NALF1: variants seen among roughly 807,000 people sequenced by gnomAD.
The protein encoded by NALF1 is family with sequence similarity 155 member A.
Under a neutral mutation model 48.4 loss-of-function variants are expected in NALF1, and 3 were observed. That is an observed-to-expected ratio of 0.06 (90% confidence interval 0.03 to 0.16). The LOEUF is 0.16. Among genes scored for constraint, NALF1 ranks in the 10% least tolerant of loss-of-function variants. The pLI is 1.00. For missense variants in NALF1, 526 were observed against 571.5 expected, an observed-to-expected ratio of 0.92 and a Z score of 0.81; for synonymous variants, 262 against 245.7, an observed-to-expected ratio of 1.07 and a Z score of -0.62.
chr13:107,521,564 G>A (rs575428634), intron 1 of NALF1, among the ~76,000 whole-genome samples: 1 of 152,168 alleles, frequency 6.6e-6, no homozygotes, highest in African/African-American at 2.4e-5. Flanking sequence ...AAATTCAAAT[G>A]TATTATTCTA....
chr13:107,472,854 T>C (rs1885122562), intron 1 of NALF1, among the ~76,000 whole-genome samples: 1 of 152,192 alleles, frequency 6.6e-6, no homozygotes, highest in Non-Finnish European at 1.5e-5. Flanking sequence ...TCAATATTCC[T>C]TAATAAACTC....
In NALF1 at chr13:107,245,210, T is replaced by G. The variant is rs1455506669; in HGVS notation, c.916-34455A>C. 5.9e-5 allele frequency among the ~76,000 whole-genome samples: 9 copies of G among 152,216 alleles called. No homozygotes were observed. In the East Asian group the frequency reaches 1.7e-3, roughly 29 times the overall value. On this transcript the variant is annotated intron_variant, in intron 1 of 2. Transcript: ENST00000375915. ...AGTGAACACTACTTTTTTGCTTTAT[T>G]TAATGATAATATAATGATAGCTACT...
rs774372636 is a variant in NALF1 at position 107,818,871 on chromosome 13, C to CAAAAAA, written c.915+46805_915+46810dup. On this transcript the variant is annotated intron_variant, in intron 1 of 2. Transcript: ENST00000375915. ...TGGGCGACAGAGCGAGACTCCGTCT[C>CAAAAAA]AAAAAAAAAAAAAAAAAAAAAAAAA... 3.0e-3 allele frequency among the ~76,000 whole-genome samples: 223 copies of CAAAAAA among 73,776 alleles called. 4 individuals are homozygous for CAAAAAA. The highest frequency in any genetic ancestry group is 6.1e-3 in the South Asian group (12 of 1,958). The allele number at this position is 73,776 out of a possible 152,430, so 48.4% of individuals were successfully genotyped here.
chr13:107,370,896 G>C (rs768614699), intron 1 of NALF1, among the ~76,000 whole-genome samples: 1 of 152,134 alleles, frequency 6.6e-6, no homozygotes, highest in Non-Finnish European at 1.5e-5. Flanking sequence ...CTTATAAAAT[G>C]ATCAGATCTC....
At chr13:107,797,065 C>T (rs567061118) in intron 1 of NALF1, among the ~76,000 whole-genome samples, 1 of 152,312 alleles carries the variant, frequency 6.6e-6, no homozygotes, top group East Asian at 1.9e-4. Flanking sequence ...AAGATCATGG[C>T]CACCAAAAAG....
At chr13:107,414,585 T>G (rs1204391362) in intron 1 of NALF1, among the ~76,000 whole-genome samples, 1 of 151,610 alleles carries the variant, frequency 6.6e-6, no homozygotes, top group Non-Finnish European at 1.5e-5. Context: ...ATTTTCCCGA[T>G]TAGATTTTCA....
chr13:107,258,436 A>T (rs1880864200), intron 1 of NALF1, among the ~76,000 whole-genome samples: 3 of 152,232 alleles, frequency 2.0e-5, no homozygotes, highest in South Asian at 4.1e-4. Context: ...TCCTGCAGCT[A>T]GAGAGAGGTA....
chr13:107,522,236 T>C (rs889857091), intron 1 of NALF1, among the ~76,000 whole-genome samples: 2 of 152,186 alleles, frequency 1.3e-5, no homozygotes, highest in African/African-American at 4.8e-5. Flanking sequence ...GATATTTTTC[T>C]CGTATTTCGT....
At chr13:107,562,431 A>G (rs535371662) in intron 1 of NALF1, among the ~76,000 whole-genome samples, 6 of 152,130 alleles carry the variant, frequency 3.9e-5, no homozygotes, top group Non-Finnish European at 8.8e-5. Context: ...CAGTCCCTGG[A>G]CTCCTGCTGG....
chr13:107,330,155 C>T (rs995995945), intron 1 of NALF1, among the ~76,000 whole-genome samples: 2 of 152,106 alleles, frequency 1.3e-5, no homozygotes, highest in African/African-American at 4.8e-5. Flanking sequence ...GGGCTGTAGC[C>T]TTTGTTAAAA....
intron 1 of NALF1, among the ~76,000 whole-genome samples, chr13:107,290,084 C>T (rs9558996): frequency 0.2 from 29,470 of 151,062 alleles, 3,528 homozygotes; most frequent in Non-Finnish European, 0.26. Flanking sequence ...TAGACTTTAT[C>T]GGTTGATTCC....
chr13:107,436,213 G>T (rs1383996741), intron 1 of NALF1, among the ~76,000 whole-genome samples: 1 of 152,156 alleles, frequency 6.6e-6, no homozygotes, highest in Non-Finnish European at 1.5e-5. Context: ...AAGATTTGCA[G>T]TTACAATTAA....
At chr13:107,828,909 T>A (rs1253129377) in intron 1 of NALF1, among the ~76,000 whole-genome samples, 1 of 152,158 alleles carries the variant, frequency 6.6e-6, no homozygotes, top group African/African-American at 2.4e-5. Flanking sequence ...TGGTTATACA[T>A]GAATCATTAC....
intron 1 of NALF1, among the ~76,000 whole-genome samples, chr13:107,724,816 A>C (rs1018218546): frequency 3.3e-5 from 5 of 152,070 alleles, no homozygotes; most frequent in African/African-American, 1.2e-4. Flanking sequence ...CCTGAGCCCA[A>C]ATGATCCACC....
intron 1 of NALF1, among the ~76,000 whole-genome samples, chr13:107,611,329 G>A (rs1466411009): frequency 6.6e-6 from 1 of 152,178 alleles, no homozygotes; most frequent in Non-Finnish European, 1.5e-5. Flanking sequence ...ATATGATCCA[G>A]CAATCACACT....
intron 1 of NALF1, among the ~76,000 whole-genome samples, chr13:107,489,180 G>C (rs528798203): frequency 1.0e-3 from 153 of 152,092 alleles, no homozygotes; most frequent in African/African-American, 3.5e-3. Flanking sequence ...TAGAAGAATC[G>C]ATATCATTAA....
At chr13:107,433,980 G>T (rs1566340672) in intron 1 of NALF1, among the ~76,000 whole-genome samples, 3 of 152,114 alleles carry the variant, frequency 2.0e-5, no homozygotes, top group Admixed American at 2.0e-4. Flanking sequence ...TATGTTACTA[G>T]AAAATGTGAA....
chr13:107,611,465 T>C (rs1257217699), intron 1 of NALF1, among the ~76,000 whole-genome samples: 5 of 148,938 alleles, frequency 3.4e-5, no homozygotes, highest in Non-Finnish European at 7.4e-5. Context: ...GTAAAGCAAA[T>C]GTGGCACATA....
intron 1 of NALF1, among the ~76,000 whole-genome samples, chr13:107,690,801 C>T (rs186862083): frequency 6.6e-6 from 1 of 152,238 alleles, no homozygotes; most frequent in African/African-American, 2.4e-5. Flanking sequence ...ATTATTCCTG[C>T]TATAAACGCT....
Sources: allele counts gnomAD v4.1 joint callset (sites outside exome capture counted in the v4.1 genomes callset), GRCh38; gene constraint gnomAD v4.1.1; transcripts MANE v1.5; gene names NCBI Gene and HGNC (gene_info 2026-07-23, HGNC 2026-07-21).